The following TCEA3 variants were observed in gnomAD, a reference collection of about 807,000 sequenced individuals.
The protein encoded by TCEA3 is transcription elongation factor A protein 3.
Under a neutral mutation model 44.0 loss-of-function variants are expected in TCEA3, and 36 were observed. That is an observed-to-expected ratio of 0.82 (90% CI 0.63 to 1.08). The LOEUF (loss-of-function observed/expected upper bound fraction) is 1.08. Among genes scored for constraint, TCEA3 ranks in the 50% least tolerant of loss-of-function variants. The pLI, the probability that TCEA3 is intolerant of heterozygous loss-of-function variation, is 0.00. For synonymous variants in TCEA3, 162 were observed against 159.7 expected, an observed-to-expected ratio of 1.01 and a Z score of -0.11; for missense variants, 392 against 441.2, an observed-to-expected ratio of 0.89 and a Z score of 1.00.
chr1:23,408,673 G>A lies in TCEA3; in HGVS notation c.434C>T (p.Ser145Leu), dbSNP rs575626010. Residue 145 changes from serine (S) to leucine (L), a missense_variant, in exon 5 of 11, where the codon TCG becomes TTG. Ser to Leu is a moderately radical substitution (Grantham distance 145). Coordinates refer to ENST00000450454, the MANE Select transcript of TCEA3 (RefSeq NM_003196.3). Reference sequence around the variant, plus strand: ...CTGTGGTTTCCTTTACCTTTCCACCGATGGTCTTTTTGGAGAGGAGGAGGC... The same window carrying A: ...CTGTGGTTTCCTTTACCTTTCCACCAATGGTCTTTTTGGAGAGGAGGAGGC... The part of the protein sequence containing the change: ...SSASSSPKRP[S>L]VERSNSSKSK... 1.1e-4 allele frequency: 172 copies of A among 1,611,486 alleles called. No individual in the cohort carries two copies. The highest frequency in any genetic ancestry group is 1.4e-4 in the South Asian group (13 of 90,132).
chr1:23,402,332 T>A (rs1308205787), intron 5 of TCEA3, among the ~76,000 whole-genome samples: 1 of 152,152 alleles, frequency 6.6e-6, no homozygotes, highest in Non-Finnish European at 1.5e-5. Context: ...CGAGTGAGAC[T>A]GTGTTTCCAA....
At chr1:23,392,339 TACAC>T (rs1379889061) in intron 8 of TCEA3, among the ~76,000 whole-genome samples, 3 of 72,452 alleles carry the variant, frequency 4.1e-5, no homozygotes, top group African/African-American at 1.6e-4. Flanking sequence ...CATGACATCA[TACAC>T]ACACACTCCA....
intron 8 of TCEA3, among the ~76,000 whole-genome samples, chr1:23,392,476 CA>C (rs1639076599): frequency 4.8e-4 from 1 of 2,062 alleles, no homozygotes; most frequent in Non-Finnish European, 9.6e-4. Context: ...TCATACACAC[CA>C]CACACTCCAC....
At chr1:23,387,722 C>A (rs1638893145) in intron 8 of TCEA3, among the ~76,000 whole-genome samples, 1 of 152,200 alleles carries the variant, frequency 6.6e-6, no homozygotes, top group South Asian at 2.1e-4. Flanking sequence ...ATCCTGCCTG[C>A]CAGGACCTTG....
At chr1:23,414,866 CTG>C (rs1639840448) in intron 4 of TCEA3, among the ~76,000 whole-genome samples, 1 of 152,008 alleles carries the variant, frequency 6.6e-6, no homozygotes, top group Admixed American at 6.6e-5. Flanking sequence ...AAAATGATGT[CTG>C]TGTTTCAGGC....
At chr1:23,409,613 C>T (rs922021677) in intron 4 of TCEA3, among the ~76,000 whole-genome samples, 7 of 151,996 alleles carry the variant, frequency 4.6e-5, no homozygotes, top group African/African-American at 1.5e-4. Context: ...GGTGCTATCT[C>T]GGCGGCTCAC....
At chr1:23,412,304 G>A (rs928506871) in intron 4 of TCEA3, among the ~76,000 whole-genome samples, 2 of 151,932 alleles carry the variant, frequency 1.3e-5, no homozygotes, top group Non-Finnish European at 2.9e-5. Context: ...GGAGGCTGAG[G>A]TGAGAGGATC....
chr1:23,419,256 A>C, intron 1 of TCEA3, 117 bp from the exon 2 acceptor site: 2 of 688,140 alleles, frequency 2.9e-6, no homozygotes, highest in Non-Finnish European at 4.8e-6. Context: ...GCCGAAGGAC[A>C]GGCAAGGGGC....
intron 4 of TCEA3, among the ~76,000 whole-genome samples, chr1:23,416,071 A>G (rs942053222): frequency 2.1e-5 from 3 of 146,144 alleles, no homozygotes; most frequent in Non-Finnish European, 4.4e-5. Flanking sequence ...CAATGGTGCA[A>G]TCTTGGCTCA....
At chr1:23,413,206 G>A (rs1043019696) in intron 4 of TCEA3, among the ~76,000 whole-genome samples, 4 of 151,684 alleles carry the variant, frequency 2.6e-5, no homozygotes, top group Admixed American at 1.3e-4. Context: ...GTGCGATCTC[G>A]GCTCACTGCA....
intron 8 of TCEA3, among the ~76,000 whole-genome samples, chr1:23,390,362 T>C (rs764199251): frequency 6.6e-6 from 1 of 152,094 alleles, no homozygotes; most frequent in Non-Finnish European, 1.5e-5. Flanking sequence ...ATGCCTGCAG[T>C]CCTAACTACT....
At chr1:23,408,342 C>G (rs1232498098) in intron 5 of TCEA3, among the ~76,000 whole-genome samples, 1 of 152,190 alleles carries the variant, frequency 6.6e-6, no homozygotes, top group Non-Finnish European at 1.5e-5. Flanking sequence ...GATGGGGCAA[C>G]AGCAACCAGT....
In TCEA3 at chr1:23,407,316, G is replaced by A. The variant is rs190746884; in HGVS notation, c.443+1348C>T. ...ACCATGATATCTTGCCTGAATTACC[G>A]CAACAGCCTCCTGGCTGGTGTTGCT... is the stretch of plus-strand genomic sequence containing the variant. On this transcript the variant is annotated intron_variant, in intron 5 of 10. Coordinates refer to ENST00000450454, the MANE Select transcript of TCEA3 (RefSeq NM_003196.3). 4.2e-4 allele frequency among the ~76,000 whole-genome samples: 64 copies of A among 152,178 alleles called. No homozygotes were observed. The East Asian group carries it at 0.011, about 27-fold the overall frequency.
intron 7 of TCEA3, among the ~76,000 whole-genome samples, chr1:23,397,010 A>G (rs1303034030): frequency 7.4e-6 from 1 of 135,296 alleles, no homozygotes; most frequent in Admixed American, 7.0e-5. Flanking sequence ...CGTCTCAAAA[A>G]AAAAAAAAAA....
chr1:23,404,066 T>C, intron 5 of TCEA3: 4 of 697,590 alleles, frequency 5.7e-6, no homozygotes, highest in Middle Eastern at 2.4e-4. Context: ...AAAATCCTCC[T>C]GCCCCAGGTC....
chr1:23,423,758 A>G lies in TCEA3; in HGVS notation c.69+807T>C, dbSNP rs911424595. 8 of 455,848 alleles carry G rather than the reference A, an allele frequency of 1.8e-5. No individual in the cohort carries two copies. In the East Asian group the frequency reaches 3.5e-4, roughly 20 times the overall value. The allele number at this position is 455,848 out of a possible 1,614,324, so 28.2% of individuals were successfully genotyped here. On this transcript the variant is annotated intron_variant, in intron 1 of 10. Transcript: ENST00000450454. ...CTGGCCAGGCGACCAGTCGGCCGCC[A>G]GCCCCAGGCAAAGATCACGGGGAAG...
At chr1:23,391,466 A>G (rs992893810) in intron 8 of TCEA3, among the ~76,000 whole-genome samples, 2 of 152,012 alleles carry the variant, frequency 1.3e-5, no homozygotes, top group Non-Finnish European at 2.9e-5. Context: ...TCTCAAGGGC[A>G]GAGCTCTGGT....
intron 5 of TCEA3, among the ~76,000 whole-genome samples, chr1:23,406,200 G>C (rs1304309267): frequency 1.3e-5 from 2 of 152,230 alleles, no homozygotes; most frequent in African/African-American, 4.8e-5. Context: ...CCATGCATCA[G>C]CTGGAGCTGG....
intron 4 of TCEA3, among the ~76,000 whole-genome samples, chr1:23,415,773 G>A (rs1049465959): frequency 6.6e-6 from 1 of 152,204 alleles, no homozygotes; most frequent in Non-Finnish European, 1.5e-5. Context: ...GTTTTTCCAA[G>A]TAGGATACAC....
Sources: allele counts gnomAD v4.1 joint callset (sites outside exome capture counted in the v4.1 genomes callset), GRCh38; gene constraint gnomAD v4.1.1; transcripts MANE v1.5; gene names NCBI Gene and HGNC (gene_info 2026-07-23, HGNC 2026-07-21).